The following SNX29 variants were observed in gnomAD, a reference collection of about 807,000 sequenced individuals.
The protein encoded by SNX29 is sorting nexin-29.
A neutral mutation model predicts 102.1 loss-of-function variants in SNX29; 78 were observed. That is an observed-to-expected ratio of 0.76 (90% CI 0.64 to 0.92). SNX29 has a LOEUF of 0.92. Among genes scored for constraint, SNX29 ranks in the 40% least tolerant of loss-of-function variants. The probability of loss-of-function intolerance (pLI) is 0.00; values close to 1 mark genes in which losing one functional copy is unlikely to be tolerated. For missense variants in SNX29, 1,280 were observed against 1,061.7 expected (o/e 1.21, Z -2.86); for synonymous variants, 580 against 414.5 (o/e 1.40, Z -4.85).
chr16:12,106,800 C>A (rs1422358337), intron 11 of SNX29, among the ~76,000 whole-genome samples: 2 of 151,514 alleles, frequency 1.3e-5, no homozygotes, highest in Non-Finnish European at 2.9e-5. Flanking sequence ...TAAGGGTATA[C>A]CCCCAACTTC....
intron 14 of SNX29, among the ~76,000 whole-genome samples, chr16:12,203,675 G>C (rs1028561690): frequency 6.6e-6 from 1 of 152,286 alleles, no homozygotes; most frequent in East Asian, 1.9e-4. Context: ...TTCCACAACA[G>C]GGTTGTTCTT....
intron 13 of SNX29, among the ~76,000 whole-genome samples, chr16:12,133,928 G>C (rs575270737): frequency 4.6e-5 from 7 of 152,282 alleles, no homozygotes; most frequent in African/African-American, 1.7e-4. Context: ...AGCAAACCCA[G>C]CATTTGATTA....
intron 13 of SNX29, among the ~76,000 whole-genome samples, chr16:12,157,122 A>T (rs2055585000): frequency 6.6e-6 from 1 of 152,132 alleles, no homozygotes; most frequent in Non-Finnish European, 1.5e-5. Flanking sequence ...GCAGCCGGAG[A>T]GTCCCCCGAG....
At chr16:12,113,180 C>T (rs1210371956) in intron 11 of SNX29, among the ~76,000 whole-genome samples, 1 of 152,242 alleles carries the variant, frequency 6.6e-6, no homozygotes, top group Non-Finnish European at 1.5e-5. Context: ...CAGGCATTAG[C>T]ACGGCATCTT....
chr16:12,153,914 T>G (rs1451927562), intron 13 of SNX29, among the ~76,000 whole-genome samples: 1 of 152,222 alleles, frequency 6.6e-6, no homozygotes, highest in African/African-American at 2.4e-5. Flanking sequence ...GTCTGATGTG[T>G]TCCAGTTCTG....
At chr16:12,056,830 T>G (rs1028039673) in intron 8 of SNX29, among the ~76,000 whole-genome samples, 1 of 152,144 alleles carries the variant, frequency 6.6e-6, no homozygotes, top group Admixed American at 6.6e-5. Context: ...TTTGTTTCTT[T>G]GTTTGTTTTT....
At chr16:12,443,678 C>T (rs1342253203) in intron 18 of SNX29, among the ~76,000 whole-genome samples, 3 of 152,170 alleles carry the variant, frequency 2.0e-5, no homozygotes, top group Non-Finnish European at 4.4e-5. Flanking sequence ...CTCAAACTCC[C>T]GACCTCAGAT....
chr16:12,416,594 A>G (rs564013508), intron 18 of SNX29, among the ~76,000 whole-genome samples: 2 of 152,126 alleles, frequency 1.3e-5, no homozygotes, highest in Non-Finnish European at 2.9e-5. Flanking sequence ...TAAAGAGAAG[A>G]GGTTTCTTTG....
At chr16:12,301,923 T>G (rs2080186123) in intron 15 of SNX29, among the ~76,000 whole-genome samples, 1 of 152,224 alleles carries the variant, frequency 6.6e-6, no homozygotes, top group African/African-American at 2.4e-5. Context: ...TACCTAACAT[T>G]GCGGCTGCTG....
chr16:12,020,505 T>C (rs2151091656), intron 3 of SNX29, among the ~76,000 whole-genome samples: 1 of 152,170 alleles, frequency 6.6e-6, no homozygotes, highest in South Asian at 2.1e-4. Context: ...CCCCACCTGT[T>C]CTTAGATTTT....
intron 19 of SNX29, among the ~76,000 whole-genome samples, chr16:12,493,921 A>G (rs1323399705): frequency 1.3e-5 from 2 of 152,048 alleles, no homozygotes; most frequent in East Asian, 1.9e-4. Context: ...ACATTTTCCC[A>G]GTTACCGATA....
rs1045418186 is a variant in SNX29 at position 12,572,969 on chromosome 16, C to G, written c.*4340C>G. On this transcript the variant is annotated 3_prime_UTR_variant, in exon 21 of 21. Coordinates refer to ENST00000566228, the MANE Select transcript of SNX29 (RefSeq NM_032167.5). ...CTTATGAGCAAGGTCAAAGATTTTT[C>G]AAAATATTGTGCATTAATTCATTAA... The G allele has an allele frequency of 9.1e-6, 5 of 548,468 alleles. No individual in the cohort carries two copies. Among genetic ancestry groups the G allele is most frequent in the African/African-American group, 3.9e-5 (2 of 50,850 alleles). The allele number at this position is 548,468 out of a possible 1,614,324, so 34.0% of individuals were successfully genotyped here.
Position 12,568,581 on chromosome 16 carries a change from T to C in SNX29, c.2394T>C (p.Gly798=). ...CCCGCTTCCCCAAACTGTCCCGGGG[T>C]CAGCCCCGGGAGACCCGCAACGTGG... ...AASRFPKLSR[G]QPRETRNVEP... Residue 798 remains glycine (G), a synonymous_variant, in exon 21 of 21, where the codon GGT becomes GGC. Coordinates refer to ENST00000566228, the MANE Select transcript of SNX29 (RefSeq NM_032167.5). 1 of 1,607,128 alleles carries C rather than the reference T, an allele frequency of 6.2e-7. No homozygotes were observed. The highest frequency in any genetic ancestry group is 8.5e-7 in the Non-Finnish European group (1 of 1,179,792).
intron 19 of SNX29, among the ~76,000 whole-genome samples, chr16:12,507,766 C>A (rs933103788): frequency 6.6e-6 from 1 of 152,084 alleles, no homozygotes; most frequent in South Asian, 2.1e-4. Flanking sequence ...GTTAAAATAA[C>A]CCCTTTACCT....
chr16:12,469,725 C>T (rs1029629430), intron 18 of SNX29, among the ~76,000 whole-genome samples: 10 of 152,158 alleles, frequency 6.6e-5, no homozygotes, highest in Non-Finnish European at 1.2e-4. Context: ...AACTGCAGGG[C>T]TGGCTGGGCG....
intron 20 of SNX29, among the ~76,000 whole-genome samples, chr16:12,544,694 T>C (rs930419938): frequency 2.0e-5 from 3 of 152,248 alleles, no homozygotes; most frequent in Non-Finnish European, 4.4e-5. Context: ...ACTCGAATTC[T>C]CTTCCTCCAC....
Position 12,117,175 on chromosome 16 carries a change from A to G in SNX29, c.1403-9458A>G, listed in dbSNP as rs201279005. 6.6e-3 allele frequency among the ~76,000 whole-genome samples: 273 copies of G among 41,566 alleles called. 1 individual carries two copies. Among genetic ancestry groups the G allele is most frequent in the Middle Eastern group, 0.024 (1 of 42 alleles). 27.3% of individuals were successfully genotyped at this position (41,566 alleles called of 152,430 possible). On this transcript the variant is annotated intron_variant, in intron 11 of 20. Transcript: ENST00000566228. ...GTGCGGACGAACCATGGAAACAGGC[A>G]CGGTCAATACGTGCTTCAACGCGGA... is the stretch of plus-strand genomic sequence containing the variant.
chr16:12,184,157 A>G (rs1191657487), intron 13 of SNX29, among the ~76,000 whole-genome samples: 1 of 152,106 alleles, frequency 6.6e-6, no homozygotes, highest in Non-Finnish European at 1.5e-5. Context: ...CTGGATCAGA[A>G]CTCCTTTTCT....
chr16:12,377,045 A>G (rs535263909), intron 16 of SNX29, among the ~76,000 whole-genome samples: 1 of 152,152 alleles, frequency 6.6e-6, no homozygotes, highest in African/African-American at 2.4e-5. Flanking sequence ...GAAAGCCCCA[A>G]ATCAGCTGGG....
Sources: allele counts gnomAD v4.1 joint callset (sites outside exome capture counted in the v4.1 genomes callset), GRCh38; gene constraint gnomAD v4.1.1; transcripts MANE v1.5; gene names NCBI Gene and HGNC (gene_info 2026-07-23, HGNC 2026-07-21).